Variants in VPS53 observed in about 807,000 individuals in gnomAD.
VPS53 encodes VPS53 subunit of GARP complex, also known as vacuolar protein sorting-associated protein 53 homolog.
A neutral mutation model predicts 107.0 loss-of-function variants in VPS53; 70 were observed. The ratio of observed to expected loss-of-function variants is 0.65; its 90% CI spans 0.54 to 0.80. The LOEUF is 0.80. Among genes scored for constraint, VPS53 ranks in the 30% least tolerant of loss-of-function variants. The probability of loss-of-function intolerance (pLI) is 0.00; values close to 1 mark genes in which losing one functional copy is unlikely to be tolerated. For synonymous variants in VPS53, 409 were observed against 393.3 expected (o/e 1.04, Z -0.47); for missense variants, 917 against 1,049.4 (o/e 0.87, Z 1.74).
At chr17:539,855 G>C (rs920933858) in intron 17 of VPS53, among the ~76,000 whole-genome samples, 3 of 152,136 alleles carry the variant, frequency 2.0e-5, no homozygotes, top group South Asian at 2.1e-4. Flanking sequence ...CAACCTTATA[G>C]ATGAGGAAAT....
intron 4 of VPS53, chr17:676,481 G>A (rs1362770130): frequency 6.6e-6 from 1 of 152,158 alleles, no homozygotes; most frequent in Non-Finnish European, 1.5e-5. Context: ...AGAGTGACCT[G>A]GGTACTAGCC....
chr17:697,302 G>T, intron 4 of VPS53, 116 bp downstream of exon 4: 1 of 872,578 alleles, frequency 1.1e-6, no homozygotes, highest in Non-Finnish European at 1.9e-6. Flanking sequence ...GTCCTGCCAT[G>T]TATGAAACGG....
At chr17:642,529 A>C in intron 7 of VPS53, among the ~76,000 whole-genome samples, 1 of 150,234 alleles carries the variant, frequency 6.7e-6, no homozygotes, top group Non-Finnish European at 1.5e-5. Context: ...TCATACTTGG[A>C]AAGCGAGGAC....
intron 16 of VPS53, chr17:552,539 G>A (rs1196300187): frequency 6.5e-6 from 1 of 153,178 alleles, no homozygotes; most frequent in African/African-American, 2.4e-5. Flanking sequence ...TTCCTGGACG[G>A]ACCTCCCCTG....
intron 13 of VPS53, among the ~76,000 whole-genome samples, chr17:563,576 G>A (rs1349624986): frequency 6.6e-6 from 1 of 152,132 alleles, no homozygotes; most frequent in African/African-American, 2.4e-5. Context: ...TTACAGGTGT[G>A]AGCCACTCAC....
rs1908515773 is a variant in VPS53 at position 519,034 on chromosome 17, T to G, written c.*94A>C. 1 of 1,329,744 alleles carries G rather than the reference T, an allele frequency of 7.5e-7. No homozygotes were observed. Among genetic ancestry groups the G allele is most frequent in the Non-Finnish European group, 1.0e-6 (1 of 999,256 alleles). 82.4% of individuals were successfully genotyped at this position (1,329,744 alleles called of 1,614,324 possible). A position where few individuals can be genotyped will look rare whatever the true frequency, so the allele number is the denominator to read the frequency against. On this transcript the variant is annotated 3_prime_UTR_variant, in exon 22 of 22. Coordinates refer to ENST00000437048, the MANE Select transcript of VPS53 (RefSeq NM_001128159.3). This position sits in a 1 kb window ranked among gnomAD's most constrained non-coding sequence, Gnocchi z 5.0. ...TCCCAGGAAGTTTGAAGACCGACGA[T>G]GTGAGAGTGCCGGGGAGCACAGGAG... is the stretch of plus-strand genomic sequence containing the variant.
intron 3 of VPS53, among the ~76,000 whole-genome samples, chr17:698,667 C>T (rs1017371058): frequency 1.3e-5 from 2 of 150,600 alleles, no homozygotes; most frequent in African/African-American, 2.5e-5. Context: ...TGCACCAGTA[C>T]GCTCCAGCCT....
At chr17:628,973 C>G (rs1969830913) in intron 8 of VPS53, among the ~76,000 whole-genome samples, 1 of 152,196 alleles carries the variant, frequency 6.6e-6, no homozygotes, top group Admixed American at 6.5e-5. Context: ...ACATGACTGG[C>G]TAAGTGGACT....
chr17:668,529 G>A (rs538600929), intron 4 of VPS53, among the ~76,000 whole-genome samples: 51 of 152,206 alleles, frequency 3.4e-4, no homozygotes, highest in Non-Finnish European at 6.0e-4. Flanking sequence ...ATGCTACATG[G>A]GATCAGTAAA....
intron 13 of VPS53, among the ~76,000 whole-genome samples, chr17:582,372 C>T (rs548526171): frequency 2.0e-5 from 3 of 148,652 alleles, no homozygotes; most frequent in African/African-American, 7.3e-5. Context: ...GAGAACCTCC[C>T]TCACAACCCA....
intron 4 of VPS53, among the ~76,000 whole-genome samples, chr17:687,130 T>C (rs953703683): frequency 4.0e-5 from 6 of 150,438 alleles, no homozygotes; most frequent in African/African-American, 1.5e-4. Flanking sequence ...ACCAAAAATA[T>C]AAAAACTAGC....
chr17:590,312 G>A (rs1335669750), intron 12 of VPS53, among the ~76,000 whole-genome samples: 6 of 152,214 alleles, frequency 3.9e-5, no homozygotes, highest in African/African-American at 1.2e-4. Flanking sequence ...ATACAATCAT[G>A]TCGTCTGCAA....
At chr17:549,384 C>A (rs563687073) in intron 17 of VPS53, among the ~76,000 whole-genome samples, 15 of 152,086 alleles carry the variant, frequency 9.9e-5, no homozygotes, top group Non-Finnish European at 2.2e-4. Flanking sequence ...CCAGCTGCTG[C>A]GTTCCCAAGT....
intron 7 of VPS53, among the ~76,000 whole-genome samples, chr17:643,572 C>G (rs369199618): frequency 1.5e-4 from 19 of 124,144 alleles, no homozygotes; most frequent in Middle Eastern, 4.6e-3. Flanking sequence ...TACTTGGAAA[C>G]CGAGGACAAC....
chr17:646,465 G>A (rs796226678), intron 7 of VPS53, among the ~76,000 whole-genome samples: 1 of 137,086 alleles, frequency 7.3e-6, no homozygotes, highest in Non-Finnish European at 1.6e-5. Context: ...ACACATCTCC[G>A]TGACCGCGTG....
At chr17:662,441 G>T (rs750983849) in intron 4 of VPS53, among the ~76,000 whole-genome samples, 2 of 152,324 alleles carry the variant, frequency 1.3e-5, no homozygotes, top group African/African-American at 4.8e-5. Context: ...TGTAATCCCA[G>T]CACTTTGGGA....
intron 17 of VPS53, among the ~76,000 whole-genome samples, chr17:547,784 T>C (rs769806772): frequency 5.3e-5 from 8 of 152,246 alleles, no homozygotes; most frequent in Non-Finnish European, 1.0e-4. Context: ...ACTATAGGTG[T>C]GTGCCATCAT....
intron 4 of VPS53, among the ~76,000 whole-genome samples, chr17:680,201 G>A (rs1314826724): frequency 2.6e-5 from 4 of 152,134 alleles, no homozygotes; most frequent in African/African-American, 9.7e-5. Flanking sequence ...GGCTGAGGCA[G>A]GAGAATCGCT....
intron 6 of VPS53, among the ~76,000 whole-genome samples, chr17:653,885 G>A (rs912837999): frequency 3.3e-5 from 5 of 152,210 alleles, no homozygotes; most frequent in Admixed American, 6.5e-5. Context: ...GGCCAGGCGC[G>A]GTGGCTCAGC....
Sources: allele counts gnomAD v4.1 joint callset (sites outside exome capture counted in the v4.1 genomes callset), GRCh38; gene constraint gnomAD v4.1.1; non-coding constraint Gnocchi (gnomAD v3.1); transcripts MANE v1.5; gene names NCBI Gene and HGNC (gene_info 2026-07-23, HGNC 2026-07-21).